Variants in GPC5 observed in about 807,000 individuals in gnomAD.
GPC5 encodes the protein glypican-5.
GPC5 carries 47 observed loss-of-function variants against 53.9 expected under a neutral mutation model. The ratio of observed to expected loss-of-function variants is 0.87; its 90% confidence interval spans 0.69 to 1.11. The LOEUF (loss-of-function observed/expected upper bound fraction) is 1.11. Ranked by LOEUF, GPC5 falls within the 50% of genes most tolerant of loss-of-function variation. The pLI, the probability that GPC5 is intolerant of heterozygous loss-of-function variation, is 0.00. For missense variants in GPC5, 748 were observed against 713.1 expected (o/e 1.05, Z -0.56); for synonymous variants, 286 against 263.3 (o/e 1.09, Z -0.84).
chr13:92,698,837 G>A (rs1887640019), intron 7 of GPC5, among the ~76,000 whole-genome samples: 1 of 152,128 alleles, frequency 6.6e-6, no homozygotes, highest in African/African-American at 2.4e-5. Flanking sequence ...GTTGTTTCCT[G>A]ACTTTTTAAT....
At chr13:92,372,162 C>A (rs950802516) in intron 7 of GPC5, among the ~76,000 whole-genome samples, 7 of 152,168 alleles carry the variant, frequency 4.6e-5, no homozygotes, top group African/African-American at 1.7e-4. Flanking sequence ...GGCAGAGCAC[C>A]TAGCAGAGGC....
chr13:91,847,612 T>G (rs1490888719), intron 5 of GPC5, among the ~76,000 whole-genome samples: 1 of 152,158 alleles, frequency 6.6e-6, no homozygotes, highest in African/African-American at 2.4e-5. Flanking sequence ...AAGAAGTAAT[T>G]AAGATCAAAA....
intron 7 of GPC5, among the ~76,000 whole-genome samples, chr13:92,332,003 A>G (rs1200446719): frequency 6.6e-6 from 1 of 152,190 alleles, no homozygotes; most frequent in East Asian, 1.9e-4. Flanking sequence ...AAGCAATTCA[A>G]TGTATAAACT....
chr13:91,970,657 T>C (rs1417901605), intron 6 of GPC5, among the ~76,000 whole-genome samples: 2 of 151,692 alleles, frequency 1.3e-5, no homozygotes, highest in Non-Finnish European at 2.9e-5. Flanking sequence ...CCTAATTTAT[T>C]GAGAGTTTTT....
At chr13:92,216,474 C>CTGAT (rs2042411036) in intron 7 of GPC5, among the ~76,000 whole-genome samples, 1 of 152,136 alleles carries the variant, frequency 6.6e-6, no homozygotes, top group Non-Finnish European at 1.5e-5. Context: ...GATCAGGGGT[C>CTGAT]TGATGCCTCA....
intron 5 of GPC5, among the ~76,000 whole-genome samples, chr13:91,873,284 T>G (rs1396019239): frequency 6.6e-6 from 1 of 152,208 alleles, no homozygotes; most frequent in East Asian, 1.9e-4. Context: ...TCAGATTGTC[T>G]GGACTTAAAA....
At chr13:92,159,769 A>AT (rs1354807051) in intron 7 of GPC5, among the ~76,000 whole-genome samples, 7 of 150,410 alleles carry the variant, frequency 4.7e-5, no homozygotes, top group Admixed American at 6.6e-5. Flanking sequence ...CGCCCTGCTA[A>AT]TTTTTTGTAT....
At chr13:92,262,806 G>C (rs1376501862) in intron 7 of GPC5, among the ~76,000 whole-genome samples, 1 of 152,078 alleles carries the variant, frequency 6.6e-6, no homozygotes, top group East Asian at 1.9e-4. Flanking sequence ...AAAGTCTTGA[G>C]AAAAACTAAA....
chr13:91,947,447 TAA>T (rs1252453766), intron 6 of GPC5, among the ~76,000 whole-genome samples: 1 of 152,194 alleles, frequency 6.6e-6, no homozygotes, highest in Non-Finnish European at 1.5e-5. Context: ...ATTAATTAAT[TAA>T]GTTTAATTTT....
chr13:91,859,455 C>T (rs966319033), intron 5 of GPC5, among the ~76,000 whole-genome samples: 2 of 151,796 alleles, frequency 1.3e-5, no homozygotes, highest in Non-Finnish European at 2.9e-5. Flanking sequence ...GATTAGAAAA[C>T]CTAGAGTATA....
intron 2 of GPC5, among the ~76,000 whole-genome samples, chr13:91,493,776 G>GT (rs59055266): frequency 0.1 from 15,504 of 152,046 alleles, 1,012 homozygotes; most frequent in African/African-American, 0.19. Flanking sequence ...CTGATGACTT[G>GT]TTCCTATTTT....
At chr13:92,726,710 T>C (rs1888658461) in intron 7 of GPC5, among the ~76,000 whole-genome samples, 1 of 151,616 alleles carries the variant, frequency 6.6e-6, no homozygotes, top group African/African-American at 2.4e-5. Context: ...GGTGTTTCAA[T>C]GATAAGAGCA....
chr13:92,510,237 A>G (rs1282737911), intron 7 of GPC5: 1 of 151,962 alleles, frequency 6.6e-6, no homozygotes, highest in East Asian at 1.9e-4. Flanking sequence ...AGGCATCTTT[A>G]TGTTTATTCT....
At chr13:92,390,488 A>G (rs1456974104) in intron 7 of GPC5, among the ~76,000 whole-genome samples, 1 of 152,122 alleles carries the variant, frequency 6.6e-6, no homozygotes. Flanking sequence ...TTTCTGCATG[A>G]CATAATCGGC....
At chr13:91,440,296 T>G (rs1199005480) in intron 1 of GPC5, among the ~76,000 whole-genome samples, 9 of 152,206 alleles carry the variant, frequency 5.9e-5, no homozygotes, top group Non-Finnish European at 1.2e-4. Flanking sequence ...ATCCATCTAT[T>G]TATTTTTAAT....
chr13:91,590,411 T>G (rs1192306276), intron 2 of GPC5, among the ~76,000 whole-genome samples: 1 of 152,118 alleles, frequency 6.6e-6, no homozygotes, highest in African/African-American at 2.4e-5. Context: ...CTGGAAAACA[T>G]GAACATATAT....
chr13:91,500,751 A>G (rs7991059), intron 2 of GPC5, among the ~76,000 whole-genome samples: 4,132 of 152,256 alleles, frequency 0.027, 174 homozygotes, highest in African/African-American at 0.094. Flanking sequence ...TGTATTACAG[A>G]CTGATATGGT....
chr13:91,655,579 C>T (rs72643221), intron 2 of GPC5, among the ~76,000 whole-genome samples: 10,104 of 151,844 alleles, frequency 0.067, 570 homozygotes, highest in East Asian at 0.26. Flanking sequence ...TCAAAACCAA[C>T]AAATATTTTA....
intron 7 of GPC5, among the ~76,000 whole-genome samples, chr13:92,441,825 G>GA (rs771528602): frequency 6.6e-6 from 1 of 151,782 alleles, no homozygotes; most frequent in Non-Finnish European, 1.5e-5. Context: ...CACAGAATTA[G>GA]AAAAAACTAC....
Sources: allele counts gnomAD v4.1 joint callset (sites outside exome capture counted in the v4.1 genomes callset), GRCh38; gene constraint gnomAD v4.1.1; transcripts MANE v1.5; gene names NCBI Gene and HGNC (gene_info 2026-07-23, HGNC 2026-07-21).